VCL: variants seen among roughly 807,000 people sequenced by gnomAD.
VCL encodes the protein vinculin.
VCL carries 47 observed loss-of-function variants against 125.7 expected under a neutral mutation model. That is an observed-to-expected ratio of 0.37 (90% confidence interval 0.30 to 0.48). VCL has a LOEUF of 0.48. Among genes scored for constraint, VCL ranks in the 20% least tolerant of loss-of-function variants. The pLI is 0.99. For missense variants in VCL, 1,069 were observed against 1,455.5 expected, an observed-to-expected ratio of 0.73 and a Z score of 4.32; for synonymous variants, 458 against 514.6, an observed-to-expected ratio of 0.89 and a Z score of 1.49.
intron 1 of VCL, among the ~76,000 whole-genome samples, chr10:74,004,347 T>C (rs952257698): frequency 2.6e-5 from 4 of 152,218 alleles, no homozygotes; most frequent in Admixed American, 6.5e-5. Flanking sequence ...GGTCTCCGTT[T>C]TACAGATGAG....
rs1202857339 is a variant in VCL, at chr10:74,068,265, T to C, written c.240-2405T>C. ...TAATAACTATTAGCCTGGGCTATTA[T>C]GTAGCTTTATAAAAGTAGGAGGAGG... On this transcript the variant is annotated intron_variant, in intron 2 of 21. Coordinates refer to ENST00000211998, the MANE Select transcript of VCL (RefSeq NM_014000.3). Among the ~76,000 whole-genome samples the C allele has an allele frequency of 2.0e-5, 3 of 152,228 alleles. No homozygotes were observed. In the East Asian group the frequency reaches 5.8e-4, roughly 29 times the overall value.
In VCL at chr10:74,105,306, C is replaced by T. The variant is rs1364541925; in HGVS notation, c.2387C>T (p.Pro796Leu). 3.1e-6 allele frequency: 5 copies of T among 1,613,016 alleles called. No individual in the cohort carries two copies. The highest frequency in any genetic ancestry group is 2.2e-5 in the East Asian group (1 of 44,882). Reference protein sequence around the residue: ...ASDELSKTISPMVMDAKAVAG... With the variant: ...ASDELSKTISLMVMDAKAVAG... ...GATGAATTGAGCAAAACCATCTCCC[C>T]GATGGTGATGGATGCAAAAGCTGTG... The change falls in exon 16 of 22, where the codon CCG (proline) becomes CTG (leucine). Residue 796 changes from proline to leucine, a missense_variant. Physicochemically the swap from Pro to Leu is moderately conservative, Grantham distance 98. Around this residue, in one of 6 missense-constraint regions of VCL, gnomAD observed 760 missense variants for 928.9 expected, o/e 0.82. Transcript: ENST00000211998.
intron 2 of VCL, among the ~76,000 whole-genome samples, 161 bp downstream of exon 2, chr10:74,043,314 A>AT (rs1260949897): frequency 1.3e-5 from 2 of 151,750 alleles, no homozygotes; most frequent in African/African-American, 4.8e-5. Context: ...AAAACTGTTC[A>AT]TTTTAGTTTT....
chr10:74,101,672 C>T (rs1292886896), intron 14 of VCL, among the ~76,000 whole-genome samples: 3 of 150,600 alleles, frequency 2.0e-5, no homozygotes, highest in Non-Finnish European at 4.4e-5. Context: ...TCTCCTGCCT[C>T]AGCCTCCCGA....
intron 2 of VCL, 57 bp from the exon 3 acceptor site, chr10:74,070,613 A>G (rs576624937): frequency 3.7e-6 from 6 of 1,610,078 alleles, no homozygotes; most frequent in East Asian, 2.2e-5. Flanking sequence ...TTGTATTTGC[A>G]TATGGTATTC....
rs770098489 is a variant in VCL at position 74,097,783 on chromosome 10, G to A, written c.1872+451G>A. ...TCAGGATGATCTTTTTAAATCAATC[G>A]ATGTCATTCTTATACTCAGACCCTT... On this transcript the variant is annotated intron_variant, in intron 13 of 21. Transcript: ENST00000211998. This position sits in a 1 kb window ranked among gnomAD's most constrained non-coding sequence, Gnocchi z 4.1. Among the ~76,000 whole-genome samples the A allele has an allele frequency of 6.6e-6, 1 of 152,078 alleles. No homozygotes were observed. The highest frequency in any genetic ancestry group is 1.5e-5 in the Non-Finnish European group (1 of 68,012).
chr10:74,046,737 A>C (rs539237950), intron 2 of VCL, among the ~76,000 whole-genome samples: 2 of 152,234 alleles, frequency 1.3e-5, no homozygotes, highest in Non-Finnish European at 2.9e-5. Flanking sequence ...AGAAGACCTT[A>C]CAAACAATTG....
At chr10:74,037,379 AGTT>A (rs781386852) in intron 1 of VCL, among the ~76,000 whole-genome samples, 1 of 152,242 alleles carries the variant, frequency 6.6e-6, no homozygotes, top group Admixed American at 6.5e-5. Context: ...AGGCTTTGCC[AGTT>A]GTTCTCAAAT....
chr10:74,002,313 C>T (rs142835655), intron 1 of VCL, among the ~76,000 whole-genome samples: 3,871 of 151,814 alleles, frequency 0.025, 166 homozygotes, highest in African/African-American at 0.088. Flanking sequence ...TTAGTAGAGA[C>T]GGGGTTTCTC....
At position 74,114,247 on chromosome 10, in the gene VCL, G is replaced by A. The variant is rs1840275415; in HGVS notation, c.3013G>A (p.Val1005Ile). ...ALLMAEMSRL[V>I]RGGSGTKRAL... ...GCTGATGGCTGAGATGTCTCGGCTG[G>A]TAAGAGGGGGCAGTGGTACCAAGCG... Residue 1005 changes from valine to isoleucine, a missense_variant, in exon 20 of 22, where the codon GTA becomes ATA. Around this residue, in one of 6 missense-constraint regions of VCL, gnomAD observed 91 missense variants for 203.9 expected, o/e 0.45. Coordinates refer to ENST00000211998, the MANE Select transcript of VCL (RefSeq NM_014000.3). The A allele has an allele frequency of 6.2e-7, 1 of 1,613,984 alleles. No individual in the cohort carries two copies. The highest frequency in any genetic ancestry group is 8.5e-7 in the Non-Finnish European group (1 of 1,180,028).
intron 1 of VCL, among the ~76,000 whole-genome samples, chr10:74,020,052 A>G (rs1350597822): frequency 6.6e-6 from 1 of 151,892 alleles, no homozygotes. Flanking sequence ...AACAAGAGTG[A>G]AACTCCGTCT....
chr10:74,115,031 G>A lies in VCL; in HGVS notation c.3258+132G>A, dbSNP rs1417754663. ...TCAGTATGTGGGATGCACTCAGACT[G>A]TCTCAGGAGGGGAAAGTCTGTGTTG... On this transcript the variant is annotated intron_variant, in intron 21 of 21. Transcript: ENST00000211998. 15 of 909,818 alleles carry A rather than the reference G, an allele frequency of 1.6e-5. No individual in the cohort carries two copies. The Admixed American group carries it at 3.0e-4, about 18-fold the overall frequency. The allele number at this position is 909,818 out of a possible 1,614,324, so 56.4% of individuals were successfully genotyped here.
chr10:74,017,406 C>T (rs886818623), intron 1 of VCL, among the ~76,000 whole-genome samples: 1 of 151,992 alleles, frequency 6.6e-6, no homozygotes, highest in Admixed American at 6.6e-5. Context: ...TTTGTTTACC[C>T]ATTCATCCAT....
rs549587516 is a variant in VCL, at chr10:74,071,487, T to C, written c.499+404T>C. ...TTGCTAATTAGCCTGCCTACTATTA[T>C]GGATTCATGCCCTCACCCAAGGCTG... On this transcript the variant is annotated intron_variant, in intron 4 of 21. Coordinates refer to ENST00000211998, the MANE Select transcript of VCL (RefSeq NM_014000.3). This position sits in a 1 kb window ranked among gnomAD's most constrained non-coding sequence, Gnocchi z 4.1. Among the ~76,000 whole-genome samples the C allele has an allele frequency of 4.6e-4, 70 of 152,328 alleles. No individual in the cohort carries two copies. Among genetic ancestry groups the C allele is most frequent in the Middle Eastern group, 3.4e-3 (1 of 294 alleles).
rs374705097 is a variant in VCL at position 74,107,860 on chromosome 10, A to AC, written c.2559+512dup. ...AAGATCTTTAGATACCTTCCCCACT[A>AC]CCCCCCGCAAGTACTGTGAATATAT... On this transcript the variant is annotated intron_variant, in intron 17 of 21. Transcript: ENST00000211998. Among the ~76,000 whole-genome samples, 7 of 151,746 alleles carry AC rather than the reference A, an allele frequency of 4.6e-5. 1 individual carries two copies. The highest frequency in any genetic ancestry group is 1.9e-4 in the East Asian group (1 of 5,172).
chr10:74,087,479 G>A (rs1839802537), intron 8 of VCL, among the ~76,000 whole-genome samples: 1 of 147,364 alleles, frequency 6.8e-6, no homozygotes, highest in African/African-American at 2.5e-5. Flanking sequence ...CCGAGTAGCT[G>A]GGACTACTAG....
intron 2 of VCL, among the ~76,000 whole-genome samples, chr10:74,066,839 T>C (rs536144779): frequency 8.5e-5 from 13 of 152,110 alleles, no homozygotes; most frequent in African/African-American, 3.1e-4. Flanking sequence ...GCCCAGCTAA[T>C]TTTTGTATTT....
chr10:74,019,434 G>A lies in VCL; in HGVS notation c.168+21059G>A, dbSNP rs116954899. 3.4e-4 allele frequency among the ~76,000 whole-genome samples: 52 copies of A among 151,814 alleles called. No individual in the cohort carries two copies. In the East Asian group the frequency reaches 7.0e-3, roughly 20 times the overall value. On this transcript the variant is annotated intron_variant, in intron 1 of 21. Transcript: ENST00000211998. ...CCCATCCCCCTACAGGCCCCAGTGT[G>A]TGATGTTCCCCTCCCGAAACAGAGG...
At chr10:74,082,686 C>A in intron 7 of VCL, 142 bp downstream of exon 7, 1 of 875,138 alleles carries the variant, frequency 1.1e-6, no homozygotes, top group Middle Eastern at 2.3e-4. Context: ...TCTGATAGTT[C>A]TGAGTAACTG....
Sources: gnomAD v4.1 joint callset for allele counts (sites outside exome capture counted in the v4.1 genomes callset) on GRCh38, gnomAD v4.1.1 for gene constraint, gnomAD v4.1.1 regional missense constraint, Gnocchi (gnomAD v3.1) non-coding constraint, MANE v1.5 for transcripts, NCBI Gene and HGNC (gene_info 2026-07-23, HGNC 2026-07-21) for gene names.